Variants in DOCK1 observed in about 807,000 individuals in gnomAD.
The protein encoded by DOCK1 is dedicator of cytokinesis 1.
Under a neutral mutation model 262.7 loss-of-function variants are expected in DOCK1, and 138 were observed. The observed-to-expected ratio is 0.53, with a 90% CI of 0.46 to 0.61. The LOEUF is 0.61. Among genes scored for constraint, DOCK1 ranks in the 20% least tolerant of loss-of-function variants. DOCK1 has a pLI of 0.00. For synonymous variants in DOCK1, 866 were observed against 867.4 expected (o/e 1.00, Z 0.03); for missense variants, 1,908 against 2,370.7 (o/e 0.80, Z 4.05).
intron 29 of DOCK1, among the ~76,000 whole-genome samples, chr10:127,334,220 G>GTTTAAATGGACATGAAGCCA (rs2063103402): frequency 1.3e-5 from 2 of 152,120 alleles, no homozygotes; most frequent in East Asian, 3.9e-4. Flanking sequence ...GTAGCTCCAC[G>GTTTAAATGGACATGAAGCCA]TTTAAATGGA....
rs779529803 is a variant in DOCK1 at position 126,990,530 on chromosome 10, T to C, written c.400T>C (p.Ser134Pro). 39 of 1,613,880 alleles carry C rather than the reference T, an allele frequency of 2.4e-5. No homozygotes were observed. The South Asian group carries it at 3.8e-4, about 16-fold the overall frequency. ...DLIEWRSQIL[S>P]GTLPQDELKE... Reference sequence around the variant, plus strand: ...TATTGAATGGCGATCACAAATTCTTTCTGGAACTCTGCCTCAGGATGAACT... The same window carrying C: ...TATTGAATGGCGATCACAAATTCTTCCTGGAACTCTGCCTCAGGATGAACT... Residue 134 changes from serine (S) to proline (P), a missense_variant, in exon 6 of 52, where the codon TCT (serine) becomes CCT (proline). This residue lies in a region of DOCK1 where 227 missense variants were observed against 254.1 expected (regional missense o/e 0.89). Transcript: ENST00000623213.
At chr10:127,376,024 C>T (rs1441848505) in intron 35 of DOCK1, among the ~76,000 whole-genome samples, 1 of 152,186 alleles carries the variant, frequency 6.6e-6, no homozygotes, top group Non-Finnish European at 1.5e-5. Context: ...CCATCATATT[C>T]ACTTTCAACG....
intron 22 of DOCK1, among the ~76,000 whole-genome samples, chr10:127,055,275 A>G (rs1274950877): frequency 1.3e-5 from 2 of 152,006 alleles, no homozygotes; most frequent in East Asian, 3.9e-4. Context: ...TCTCTGCCCC[A>G]CCATCCTTAG....
chr10:126,912,223 G>A (rs1419349449), intron 1 of DOCK1, among the ~76,000 whole-genome samples: 1 of 152,066 alleles, frequency 6.6e-6, no homozygotes, highest in Non-Finnish European at 1.5e-5. Flanking sequence ...GAGGTCAGGG[G>A]TTAGAGACCA....
At chr10:127,423,041 G>A (rs1157178652) in intron 46 of DOCK1, among the ~76,000 whole-genome samples, 1 of 152,126 alleles carries the variant, frequency 6.6e-6, no homozygotes, top group African/African-American at 2.4e-5. Flanking sequence ...CAGTTTTCTA[G>A]TAACTTCATT....
intron 29 of DOCK1, among the ~76,000 whole-genome samples, chr10:127,288,045 T>C (rs903074378): frequency 2.0e-5 from 3 of 152,242 alleles, no homozygotes; most frequent in Admixed American, 6.5e-5. Flanking sequence ...TGCTTGTCTC[T>C]TTCATTTTAA....
chr10:127,419,019 C>A (rs74764653), intron 45 of DOCK1, among the ~76,000 whole-genome samples: 442 of 152,306 alleles, frequency 2.9e-3, no homozygotes, highest in African/African-American at 9.3e-3. Flanking sequence ...GTGTTTGTAA[C>A]TGCAGTTCTT....
intron 32 of DOCK1, among the ~76,000 whole-genome samples, chr10:127,359,497 TTGGCTC>T (rs2133906962): frequency 6.6e-6 from 1 of 152,326 alleles, no homozygotes; most frequent in South Asian, 2.1e-4. Flanking sequence ...TTCTGAAACA[TTGGCTC>T]TGACATTTTT....
At chr10:127,322,569 T>G (rs1784038921) in intron 29 of DOCK1, among the ~76,000 whole-genome samples, 1 of 152,224 alleles carries the variant, frequency 6.6e-6, no homozygotes, top group Non-Finnish European at 1.5e-5. Context: ...GTAGTGTGTA[T>G]GCATGTGTGT....
chr10:126,907,191 C>T (rs2031029660), intron 1 of DOCK1, among the ~76,000 whole-genome samples: 1 of 152,014 alleles, frequency 6.6e-6, no homozygotes, highest in Non-Finnish European at 1.5e-5. Context: ...AGTGGGGGTC[C>T]CTGCGGGGGT....
chr10:127,039,809 T>C (rs1295417967), intron 19 of DOCK1, among the ~76,000 whole-genome samples: 1 of 152,158 alleles, frequency 6.6e-6, no homozygotes, highest in East Asian at 1.9e-4. Flanking sequence ...GAGATGGCAT[T>C]GCTTGGTAGA....
At chr10:126,919,863 C>T (rs1336644498) in intron 1 of DOCK1, among the ~76,000 whole-genome samples, 3 of 152,152 alleles carry the variant, frequency 2.0e-5, no homozygotes, top group African/African-American at 4.8e-5. Context: ...GCACACCTTG[C>T]CGTACATTGA....
chr10:127,361,988 G>GT (rs2064483827), intron 32 of DOCK1, 76 bp from the exon 33 acceptor site: 1 of 1,431,560 alleles, frequency 7.0e-7, no homozygotes, highest in Admixed American at 2.4e-5. Context: ...TCTGTGTTGT[G>GT]TTGTTTTATC....
chr10:127,295,590 G>A (rs538223462), intron 29 of DOCK1, among the ~76,000 whole-genome samples: 2 of 152,226 alleles, frequency 1.3e-5, no homozygotes, highest in Admixed American at 6.5e-5. Context: ...AGGGGCTGAG[G>A]CGAGAAGATT....
chr10:127,359,977 T>C (rs1206505730), intron 32 of DOCK1, among the ~76,000 whole-genome samples: 1 of 152,172 alleles, frequency 6.6e-6, no homozygotes, highest in African/African-American at 2.4e-5. Context: ...TGTTATATGT[T>C]GGAAATGAAA....
intron 27 of DOCK1, among the ~76,000 whole-genome samples, chr10:127,205,221 A>G (rs563511100): frequency 7.2e-5 from 11 of 152,270 alleles, no homozygotes; most frequent in Admixed American, 2.0e-4. Context: ...GTAGAGAACC[A>G]ACATCTTCAC....
At chr10:127,195,354 G>A (rs1249992325) in intron 27 of DOCK1, among the ~76,000 whole-genome samples, 1 of 152,134 alleles carries the variant, frequency 6.6e-6, no homozygotes, top group Non-Finnish European at 1.5e-5. Flanking sequence ...GGTCTGACTC[G>A]GGCTGCCAGG....
At chr10:127,130,815 C>T (rs1311577170) in intron 27 of DOCK1, among the ~76,000 whole-genome samples, 1 of 152,116 alleles carries the variant, frequency 6.6e-6, no homozygotes, top group Non-Finnish European at 1.5e-5. Flanking sequence ...ATTTGGTTCC[C>T]ATGTATGCTG....
At chr10:127,426,681 C>G (rs1373644298) in intron 47 of DOCK1, among the ~76,000 whole-genome samples, 1 of 152,150 alleles carries the variant, frequency 6.6e-6, no homozygotes. Context: ...CACAGGCATG[C>G]TTTGGGCAGA....
Sources: allele counts gnomAD v4.1 joint callset (sites outside exome capture counted in the v4.1 genomes callset), GRCh38; gene constraint gnomAD v4.1.1; regional missense constraint gnomAD v4.1.1; transcripts MANE v1.5; gene names NCBI Gene and HGNC (gene_info 2026-07-23, HGNC 2026-07-21).